ZBTB22: variants seen among roughly 807,000 people sequenced by gnomAD.
The protein encoded by ZBTB22 is zinc finger and BTB domain containing 22.
For synonymous variants in ZBTB22, 356 were observed against 347.3 expected (o/e 1.03, Z -0.28); for missense variants, 668 against 834.1 (o/e 0.80, Z 2.45).
In ZBTB22 at chr6:33,316,216, T is replaced by G. The variant is rs1769864906; in HGVS notation, c.701A>C (p.Glu234Ala). ...GAATACAGGGCCACCTCCTCGACGC[T>G]CCCCACTGCCCACTGCAGAAGCTGC... ...AFAASAVGSG[E>A]RRGGGPVFPA... is the part of the protein sequence containing the mutation. Residue 234 changes from glutamate to alanine, a missense_variant, in exon 2 of 2, where the codon GAG (glutamate) becomes GCG (alanine). Transcript: ENST00000431845. The surrounding 1 kb of genome is among the most constrained non-coding windows in gnomAD (Gnocchi z 7.2). 1.2e-6 allele frequency: 2 copies of G among 1,613,890 alleles called. No individual in the cohort carries two copies. Among genetic ancestry groups the G allele is most frequent in the Admixed American group, 3.3e-5 (2 of 59,994 alleles).
Position 33,315,100 on chromosome 6 carries a change from G to A in ZBTB22, c.1817C>T (p.Ala606Val). 6.2e-7 allele frequency: 1 copy of A among 1,611,276 alleles called. No homozygotes were observed. The highest frequency in any genetic ancestry group is 8.5e-7 in the Non-Finnish European group (1 of 1,177,980). ...GACACGTCTGCTGGACGGGGGCGTG[G>A]CCGCACTCGCTTCGTCGCCGCTGCC... is the stretch of plus-strand genomic sequence containing the variant. ...GGGSGDEASA[A>V]TPPSSRRVWS... is the part of the protein sequence containing the mutation. Residue 606 changes from alanine to valine, a missense_variant, in exon 2 of 2, where the codon GCC (alanine) becomes GTC (valine). Physicochemically the swap from Ala to Val is moderately conservative, Grantham distance 64. Transcript: ENST00000431845. This position sits in a 1 kb window ranked among gnomAD's most constrained non-coding sequence, Gnocchi z 5.4.
Position 33,316,566 on chromosome 6 carries a change from G to A in ZBTB22, c.351C>T (p.Leu117=). The stretch of plus-strand genomic sequence containing the variant: ...TGACAATGTCAGCAGCAGCCATGCT[G>A]AGGCGGCCAGTGTAAGCGGAGGCTA... ...TVLASAYTGR[L]SMAAADIVNF... is the part of the protein sequence containing the mutation. Residue 117 remains leucine (L), a synonymous_variant, in exon 2 of 2, where the codon CTC becomes CTT. Transcript: ENST00000431845. This position sits in a 1 kb window ranked among gnomAD's most constrained non-coding sequence, Gnocchi z 7.2. The A allele has an allele frequency of 1.9e-6, 3 of 1,614,254 alleles. No individual in the cohort carries two copies. The highest frequency in any genetic ancestry group is 1.1e-5 in the South Asian group (1 of 91,092).
Position 33,314,981 on chromosome 6 carries a change from G to A in ZBTB22, c.*31C>T. ...CATCGTGCTCCTTATTCCCTTTCCC[G>A]AAAGCTACCCCACCCCAGTAGCCTG... is the stretch of plus-strand genomic sequence containing the variant. On this transcript the variant is annotated 3_prime_UTR_variant, in exon 2 of 2. Coordinates refer to ENST00000431845, the MANE Select transcript of ZBTB22 (RefSeq NM_005453.5). 6.6e-7 allele frequency: 1 copy of A among 1,520,246 alleles called. No homozygotes were observed. Among genetic ancestry groups the A allele is most frequent in the Non-Finnish European group, 8.8e-7 (1 of 1,134,120 alleles). 94.2% of individuals were successfully genotyped at this position (1,520,246 alleles called of 1,614,324 possible). A position where few individuals can be genotyped will look rare whatever the true frequency, so the allele number is the denominator to read the frequency against.
In ZBTB22 at chr6:33,315,359, T is replaced by C; in HGVS notation, c.1558A>G (p.Lys520Glu). The change falls in exon 2 of 2, where the codon AAA (lysine) becomes GAA (glutamate). Residue 520 changes from lysine (K) to glutamate (E), a missense_variant. By Grantham distance (56) the Lys-to-Glu change is moderately conservative (BLOSUM62 1). Coordinates refer to ENST00000431845, the MANE Select transcript of ZBTB22 (RefSeq NM_005453.5). The surrounding 1 kb of genome is among the most constrained non-coding windows in gnomAD (Gnocchi z 5.4). ...AGATGGTGCTTCATCTTGAACTTTT[T>C]GTTGCACACGGGGCAGTCAAACGGC... Reference protein sequence around the residue: ...LRPFDCPVCNKKFKMKHHLTE... With the variant: ...LRPFDCPVCNEKFKMKHHLTE... The C allele has an allele frequency of 1.2e-6, 2 of 1,614,220 alleles. No individual in the cohort carries two copies. Among genetic ancestry groups the C allele is most frequent in the Non-Finnish European group, 1.7e-6 (2 of 1,180,046 alleles).
intron 1 of ZBTB22, 94 bp from the exon 2 acceptor site, chr6:33,317,079 A>G (rs1467372523): frequency 2.5e-6 from 2 of 814,720 alleles, no homozygotes; most frequent in Non-Finnish European, 1.9e-6. Flanking sequence ...TATCTGTGTA[A>G]CTCCCCACAA....
rs750159071 is a variant in ZBTB22, at chr6:33,316,391, C to T, written c.526G>A (p.Gly176Arg). Residue 176 changes from glycine (G) to arginine (R), a missense_variant, in exon 2 of 2, where the codon GGG becomes AGG. Physicochemically the swap from Gly to Arg is moderately radical, Grantham distance 125 (BLOSUM62 -2). Coordinates refer to ENST00000431845, the MANE Select transcript of ZBTB22 (RefSeq NM_005453.5). The surrounding 1 kb of genome is among the most constrained non-coding windows in gnomAD (Gnocchi z 7.2). Reference protein sequence around the residue: ...VTVPGAGVPSGSGGTVAPATM... With the variant: ...VTVPGAGVPSRSGGTVAPATM... ...GCAGGGGCCACAGTGCCCCCACTCC[C>T]GGATGGCACCCCAGCACCAGGGACA... 1.2e-6 allele frequency: 2 copies of T among 1,614,096 alleles called. No individual in the cohort carries two copies. The highest frequency in any genetic ancestry group is 1.1e-5 in the South Asian group (1 of 91,086).
rs781175947 is a variant in ZBTB22 at position 33,316,213 on chromosome 6, C to T, written c.704G>A (p.Arg235His). ...FAASAVGSGE[R>H]RGGGPVFPAP... ...TGGGAATACAGGGCCACCTCCTCGA[C>T]GCTCCCCACTGCCCACTGCAGAAGC... The change falls in exon 2 of 2, where the codon CGT becomes CAT. Residue 235 changes from arginine (R) to histidine (H), a missense_variant. Coordinates refer to ENST00000431845, the MANE Select transcript of ZBTB22 (RefSeq NM_005453.5). The surrounding 1 kb of genome is among the most constrained non-coding windows in gnomAD (Gnocchi z 7.2). 1.9e-6 allele frequency: 3 copies of T among 1,614,124 alleles called. No individual in the cohort carries two copies. The highest frequency in any genetic ancestry group is 2.5e-6 in the Non-Finnish European group (3 of 1,180,024).
chr6:33,315,775 G>A lies in ZBTB22; in HGVS notation c.1142C>T (p.Ser381Phe), dbSNP rs2150980496. 1 of 1,613,312 alleles carries A rather than the reference G, an allele frequency of 6.2e-7. No individual in the cohort carries two copies. The highest frequency in any genetic ancestry group is 2.2e-5 in the East Asian group (1 of 44,868). ...GEEQVNFCES[S>F]NDFGPYEGGG... ...ACCCTCATATGGGCCAAAGTCATTG[G>A]AGGACTCACAGAAGTTGACCTGCTC... is the stretch of plus-strand genomic sequence containing the variant. The change falls in exon 2 of 2, where the codon TCC becomes TTC. Residue 381 changes from serine to phenylalanine, a missense_variant. By Grantham distance (155) the Ser-to-Phe change is radical. Coordinates refer to ENST00000431845, the MANE Select transcript of ZBTB22 (RefSeq NM_005453.5). The surrounding 1 kb of genome is among the most constrained non-coding windows in gnomAD (Gnocchi z 5.4).
At position 33,315,703 on chromosome 6, in the gene ZBTB22, G is replaced by A; in HGVS notation, c.1214C>T (p.Ser405Phe). The change falls in exon 2 of 2, where the codon TCT (serine) becomes TTT (phenylalanine). Residue 405 changes from serine to phenylalanine, a missense_variant. Ser to Phe is a radical substitution (Grantham distance 155). Transcript: ENST00000431845. The surrounding 1 kb of genome is among the most constrained non-coding windows in gnomAD (Gnocchi z 5.4). ...GLDDSGGPTP[S>F]SYAPSHPPRP... ...AGGAGGGTGGGAGGGGGCATAGGAA[G>A]AGGGAGTTGGCCCCCCTGAGTCATC... 6.2e-7 allele frequency: 1 copy of A among 1,613,162 alleles called. No homozygotes were observed. Among genetic ancestry groups the A allele is most frequent in the Non-Finnish European group, 8.5e-7 (1 of 1,179,474 alleles).
At position 33,316,554 on chromosome 6, in the gene ZBTB22, A is replaced by G; in HGVS notation, c.363T>C (p.Ala121=). ...CTGTAAGGAAGTTGACAATGTCAGC[A>G]GCAGCCATGCTGAGGCGGCCAGTGT... ...SAYTGRLSMA[A]ADIVNFLTVG... Residue 121 remains alanine (A), a synonymous_variant, in exon 2 of 2, where the codon GCT becomes GCC. Transcript: ENST00000431845. This position sits in a 1 kb window ranked among gnomAD's most constrained non-coding sequence, Gnocchi z 7.2. 6.2e-7 allele frequency: 1 copy of G among 1,614,216 alleles called. No individual in the cohort carries two copies. Among genetic ancestry groups the G allele is most frequent in the Non-Finnish European group, 8.5e-7 (1 of 1,180,046 alleles).
In ZBTB22 at chr6:33,315,080, G is replaced by T. The variant is rs1371258871; in HGVS notation, c.1837C>A (p.Arg613Ser). The change falls in exon 2 of 2, where the codon CGT (arginine) becomes AGT (serine). Residue 613 changes from arginine (R) to serine (S), a missense_variant. Coordinates refer to ENST00000431845, the MANE Select transcript of ZBTB22 (RefSeq NM_005453.5). This position sits in a 1 kb window ranked among gnomAD's most constrained non-coding sequence, Gnocchi z 5.4. ...TGGACTCTGGGTGGGGACCAGACAC[G>T]TCTGCTGGACGGGGGCGTGGCCGCA... ...ASAATPPSSR[R>S]VWSPPRVHKV... 1 of 1,605,220 alleles carries T rather than the reference G, an allele frequency of 6.2e-7. No homozygotes were observed.
At position 33,316,486 on chromosome 6, in the gene ZBTB22, G is replaced by A; in HGVS notation, c.431C>T (p.Thr144Ile). 2 of 1,614,234 alleles carry A rather than the reference G, an allele frequency of 1.2e-6. No homozygotes were observed. The highest frequency in any genetic ancestry group is 1.3e-5 in the African/African-American group (1 of 75,052). The change falls in exon 2 of 2, where the codon ACT (threonine) becomes ATT (isoleucine). Residue 144 changes from threonine (T) to isoleucine (I), a missense_variant. By Grantham distance (89) the Thr-to-Ile change is moderately conservative. Coordinates refer to ENST00000431845, the MANE Select transcript of ZBTB22 (RefSeq NM_005453.5). The surrounding 1 kb of genome is among the most constrained non-coding windows in gnomAD (Gnocchi z 7.2). ...LQMWHIVDKC[T>I]ELLREGRASA... Reference sequence around the variant, plus strand: ...GGCCCGGCCTTCTCGGAGTAGTTCAGTGCACTTGTCCACAATGTGCCACAT... The same window carrying A: ...GGCCCGGCCTTCTCGGAGTAGTTCAATGCACTTGTCCACAATGTGCCACAT...
At position 33,316,967 on chromosome 6, in the gene ZBTB22, A is replaced by G; in HGVS notation, c.-51T>C. 6.6e-7 allele frequency: 1 copy of G among 1,506,062 alleles called. No individual in the cohort carries two copies. The highest frequency in any genetic ancestry group is 8.8e-7 in the Non-Finnish European group (1 of 1,130,934). 93.3% of individuals were successfully genotyped at this position (1,506,062 alleles called of 1,614,324 possible). ...CAGCCACAGGAACAAAGAAAGGAGG[A>G]GGGCGGCCGGGGGGGTCTCTGGGAA... On this transcript the variant is annotated 5_prime_UTR_variant, in exon 2 of 2. Transcript: ENST00000431845. This position sits in a 1 kb window ranked among gnomAD's most constrained non-coding sequence, Gnocchi z 7.2.
chr6:33,314,917 A>C lies in ZBTB22; in HGVS notation c.*95T>G, dbSNP rs1769715022. 1.0e-5 allele frequency: 15 copies of C among 1,497,866 alleles called. No individual in the cohort carries two copies. The highest frequency in any genetic ancestry group is 1.2e-5 in the Non-Finnish European group (13 of 1,123,226). The allele number at this position is 1,497,866 out of a possible 1,614,324, so 92.8% of individuals were successfully genotyped here. ...TCCACAGAGATAAAGGAAGACAGTA[A>C]GTGTGGTGGGAGATCACCCGGGGGC... On this transcript the variant is annotated 3_prime_UTR_variant, in exon 2 of 2. Coordinates refer to ENST00000431845, the MANE Select transcript of ZBTB22 (RefSeq NM_005453.5).
chr6:33,315,474 G>A lies in ZBTB22; in HGVS notation c.1443C>T (p.Asp481=). ...GGVPGGTGSG[D]GNKIFLCHCG... Reference sequence around the variant, plus strand: ...AATGGCACAGAAAGATCTTATTCCCGTCCCCACTGCCAGTCCCTCCAGGGA... The same window carrying A: ...AATGGCACAGAAAGATCTTATTCCCATCCCCACTGCCAGTCCCTCCAGGGA... Residue 481 remains aspartate, a synonymous_variant, in exon 2 of 2, where the codon GAC becomes GAT. Transcript: ENST00000431845. The surrounding 1 kb of genome is among the most constrained non-coding windows in gnomAD (Gnocchi z 5.4). 2 of 1,613,984 alleles carry A rather than the reference G, an allele frequency of 1.2e-6. No individual in the cohort carries two copies. Among genetic ancestry groups the A allele is most frequent in the Non-Finnish European group, 1.7e-6 (2 of 1,179,992 alleles).
In ZBTB22 at chr6:33,315,595, G is replaced by A. The variant is rs1328707987; in HGVS notation, c.1322C>T (p.Pro441Leu). 1 of 1,613,954 alleles carries A rather than the reference G, an allele frequency of 6.2e-7. No individual in the cohort carries two copies. Among genetic ancestry groups the A allele is most frequent in the Non-Finnish European group, 8.5e-7 (1 of 1,180,024 alleles). ...SSSSSSSSQA[P>L]GQPPGNQAEH... is the part of the protein sequence containing the mutation. Reference sequence around the variant, plus strand: ...TGCTTGGTTCCCTGGTGGTTGGCCAGGAGCCTGTGAGGATGAGGATGAAGA... The same window carrying A: ...TGCTTGGTTCCCTGGTGGTTGGCCAAGAGCCTGTGAGGATGAGGATGAAGA... The change falls in exon 2 of 2, where the codon CCT (proline) becomes CTT (leucine). Residue 441 changes from proline (P) to leucine (L), a missense_variant. Transcript: ENST00000431845. The surrounding 1 kb of genome is among the most constrained non-coding windows in gnomAD (Gnocchi z 5.4).
In ZBTB22 at chr6:33,316,120, T is replaced by C. The variant is rs548432443; in HGVS notation, c.797A>G (p.Asp266Gly). 6.2e-7 allele frequency: 1 copy of C among 1,613,482 alleles called. No homozygotes were observed. The highest frequency in any genetic ancestry group is 1.1e-5 in the South Asian group (1 of 91,080). ...KLLLEADELC[D>G]DGGDGRGAVV... is the part of the protein sequence containing the mutation. The stretch of plus-strand genomic sequence containing the variant: ...TGCCCCCCTCCCATCCCCACCATCA[T>C]CGCACAGCTCATCTGCCTCCAGCAG... Residue 266 changes from aspartate (D) to glycine (G), a missense_variant, in exon 2 of 2, where the codon GAT (aspartate) becomes GGT (glycine). Asp to Gly is a moderately conservative substitution (Grantham distance 94). Coordinates refer to ENST00000431845, the MANE Select transcript of ZBTB22 (RefSeq NM_005453.5). The surrounding 1 kb of genome is among the most constrained non-coding windows in gnomAD (Gnocchi z 7.2).
chr6:33,315,711 T>C lies in ZBTB22; in HGVS notation c.1206A>G (p.Pro402=), dbSNP rs1168360361. ...GGGAGGGGGCATAGGAAGAGGGAGT[T>C]GGCCCCCCTGAGTCATCAAGACCTG... is the stretch of plus-strand genomic sequence containing the variant. ...PVAGLDDSGG[P]TPSSYAPSHP... Residue 402 remains proline, a synonymous_variant, in exon 2 of 2, where the codon CCA becomes CCG. Transcript: ENST00000431845. This position sits in a 1 kb window ranked among gnomAD's most constrained non-coding sequence, Gnocchi z 5.4. 1 of 1,612,030 alleles carries C rather than the reference T, an allele frequency of 6.2e-7. No individual in the cohort carries two copies. The highest frequency in any genetic ancestry group is 1.3e-5 in the African/African-American group (1 of 74,782).
In ZBTB22 at chr6:33,315,832, C is replaced by A; in HGVS notation, c.1085G>T (p.Arg362Leu). The A allele has an allele frequency of 6.2e-7, 1 of 1,612,786 alleles. No homozygotes were observed. Among genetic ancestry groups the A allele is most frequent in the Non-Finnish European group, 8.5e-7 (1 of 1,179,300 alleles). ...PEATLSISDV[R>L]TLSEPPDKGE... is the part of the protein sequence containing the mutation. The stretch of plus-strand genomic sequence containing the variant: ...CTTGTCTGGGGGCTCACTCAGGGTA[C>A]GGACATCACTTATGCTGAGGGTAGC... Residue 362 changes from arginine to leucine, a missense_variant, in exon 2 of 2, where the codon CGT becomes CTT. Transcript: ENST00000431845. This position sits in a 1 kb window ranked among gnomAD's most constrained non-coding sequence, Gnocchi z 5.4.
Sources: gnomAD v4.1 joint callset for allele counts on GRCh38, gnomAD v4.1.1 for gene constraint, Gnocchi (gnomAD v3.1) non-coding constraint, MANE v1.5 for transcripts, NCBI Gene and HGNC (gene_info 2026-07-23, HGNC 2026-07-21) for gene names.